GALNT10: variants seen among roughly 807,000 people sequenced by gnomAD.
The protein encoded by GALNT10 is GalNAc transferase 10.
GALNT10 carries 41 observed loss-of-function variants against 75.0 expected under a neutral mutation model. The observed-to-expected ratio is 0.55, with a 90% confidence interval of 0.43 to 0.71. GALNT10 has a LOEUF of 0.71. Ranked by LOEUF, GALNT10 falls within the 30% of genes least tolerant of loss-of-function variation. The pLI, the probability that GALNT10 is intolerant of heterozygous loss-of-function variation, is 0.00. For missense variants in GALNT10, 727 were observed against 818.5 expected (o/e 0.89, Z 1.36); for synonymous variants, 302 against 313.0 (o/e 0.96, Z 0.37).
Position 154,380,536 on chromosome 5 carries a change from G to C in GALNT10, c.843G>C (p.Gly281=). 6.2e-7 allele frequency: 1 copy of C among 1,613,872 alleles called. No homozygotes were observed. The highest frequency in any genetic ancestry group is 8.5e-7 in the Non-Finnish European group (1 of 1,179,756). The change falls in exon 6 of 12, where the codon GGG becomes GGC. Residue 281 remains glycine, a synonymous_variant. Transcript: ENST00000297107. ...HDDFRYETQA[G]DAMRGAFDWE... The stretch of plus-strand genomic sequence containing the variant: ...ACTTTCGGTACGAGACACAGGCAGG[G>C]GATGCCATGCGGGGAGCCTTTGACT...
intron 1 of GALNT10, among the ~76,000 whole-genome samples, chr5:154,195,427 C>T (rs1334732230): frequency 6.6e-6 from 1 of 152,238 alleles, no homozygotes; most frequent in South Asian, 2.1e-4. Flanking sequence ...AGCGCATATA[C>T]ACCTGAATTC....
rs964305372 is a variant in GALNT10, at chr5:154,402,797, G to A, written c.1057-1307G>A. 6.6e-6 allele frequency: 1 copy of A among 152,268 alleles called. No individual in the cohort carries two copies. The highest frequency in any genetic ancestry group is 2.4e-5 in the African/African-American group (1 of 41,472). The allele number at this position is 152,268 out of a possible 1,614,324, so 9.4% of individuals were successfully genotyped here. Reference sequence around the variant, plus strand: ...CATGGACCTCTCCACAGCATGGCTGGGGTGTCCTCAAACATGGCAGCTGGC... The same window carrying A: ...CATGGACCTCTCCACAGCATGGCTGAGGTGTCCTCAAACATGGCAGCTGGC... On this transcript the variant is annotated intron_variant, in intron 7 of 11. Transcript: ENST00000297107. The surrounding 1 kb of genome is among the most constrained non-coding windows in gnomAD (Gnocchi z 4.2).
chr5:154,217,878 T>G (rs1040716578), intron 1 of GALNT10: 16 of 351,320 alleles, frequency 4.6e-5, no homozygotes, highest in Admixed American at 3.9e-4. Context: ...AAATAGCTAT[T>G]AATTTTTTGG....
chr5:154,262,676 G>A (rs1197196953), intron 1 of GALNT10, among the ~76,000 whole-genome samples: 1 of 152,154 alleles, frequency 6.6e-6, no homozygotes, highest in East Asian at 1.9e-4. Flanking sequence ...AGAGCCACTA[G>A]GTCATTGTGC....
chr5:154,244,782 A>G (rs1400130338), intron 1 of GALNT10, among the ~76,000 whole-genome samples: 2 of 152,240 alleles, frequency 1.3e-5, no homozygotes, highest in African/African-American at 4.8e-5. Context: ...TCAAGGAGGT[A>G]TCACTGCTGG....
chr5:154,310,715 G>A lies in GALNT10; in HGVS notation c.401+12636G>A, dbSNP rs559446566. On this transcript the variant is annotated intron_variant, in intron 3 of 11. Transcript: ENST00000297107. Reference sequence around the variant, plus strand: ...TGGAACTCCTGACCTCAGGTAATCCGCCCACCTCAGCCTCCCAAAGTGCTG... The same window carrying A: ...TGGAACTCCTGACCTCAGGTAATCCACCCACCTCAGCCTCCCAAAGTGCTG... Among the ~76,000 whole-genome samples the A allele has an allele frequency of 3.9e-5, 6 of 152,028 alleles. 1 individual carries two copies. Among genetic ancestry groups the A allele is most frequent in the African/African-American group, 9.6e-5 (4 of 41,480 alleles).
At chr5:154,288,240 G>A (rs1210800190) in intron 1 of GALNT10, among the ~76,000 whole-genome samples, 2 of 152,168 alleles carry the variant, frequency 1.3e-5, no homozygotes. Flanking sequence ...AGCCAGCTCA[G>A]CCAGAGATGC....
chr5:154,273,903 C>T (rs890664428), intron 1 of GALNT10, among the ~76,000 whole-genome samples: 2 of 152,212 alleles, frequency 1.3e-5, no homozygotes, highest in Admixed American at 1.3e-4. Context: ...ATTGGGGCCC[C>T]TCTTGCCGGG....
chr5:154,359,166 T>C (rs1203574395), intron 4 of GALNT10, among the ~76,000 whole-genome samples: 3 of 152,168 alleles, frequency 2.0e-5, no homozygotes, highest in African/African-American at 7.2e-5. Flanking sequence ...TCCTCCTTCA[T>C]GTACCATTAA....
chr5:154,235,417 T>G (rs1428606751), intron 1 of GALNT10, among the ~76,000 whole-genome samples: 1 of 152,088 alleles, frequency 6.6e-6, no homozygotes, highest in Non-Finnish European at 1.5e-5. Flanking sequence ...CTTTGCAGAG[T>G]CTTTCCTTAC....
At chr5:154,236,718 G>A (rs960142832) in intron 1 of GALNT10, among the ~76,000 whole-genome samples, 11 of 152,164 alleles carry the variant, frequency 7.2e-5, no homozygotes, top group Non-Finnish European at 8.8e-5. Context: ...ATGATCTTGC[G>A]GTTGGAGCAC....
intron 1 of GALNT10, among the ~76,000 whole-genome samples, chr5:154,194,582 T>G (rs1187237515): frequency 6.6e-6 from 1 of 152,238 alleles, no homozygotes; most frequent in Non-Finnish European, 1.5e-5. Flanking sequence ...AACAGAGACC[T>G]GGCTTTTAGT....
chr5:154,221,096 A>T lies in GALNT10; in HGVS notation c.159+30071A>T, dbSNP rs544543476. Among the ~76,000 whole-genome samples the T allele has an allele frequency of 2.0e-5, 3 of 152,310 alleles. 1 individual carries two copies. The South Asian group carries it at 6.2e-4, about 32-fold the overall frequency. On this transcript the variant is annotated intron_variant, in intron 1 of 11. Coordinates refer to ENST00000297107, the MANE Select transcript of GALNT10 (RefSeq NM_198321.4). ...CCTTCACAAGTAAGATAAATGAAAT[A>T]GGTAGGGATTTTCCTCCTATTCAAC...
rs372786015 is a variant in GALNT10, at chr5:154,329,530, G to A, written c.402-42G>A. On this transcript the variant is annotated intron_variant, in intron 3 of 11. Coordinates refer to ENST00000297107, the MANE Select transcript of GALNT10 (RefSeq NM_198321.4). ...TGCCTGAGTTCTCTTGGCAGGAGGA[G>A]AGCTGACCCTGTCCTCTGCCTCCCC... The A allele has an allele frequency of 7.4e-4, 1,139 of 1,548,284 alleles. 2 individuals carry two copies. The highest frequency in any genetic ancestry group is 2.5e-3 in the Middle Eastern group (15 of 5,964).
intron 3 of GALNT10, among the ~76,000 whole-genome samples, chr5:154,317,843 C>T (rs1233560859): frequency 1.3e-5 from 2 of 152,212 alleles, no homozygotes; most frequent in African/African-American, 2.4e-5. Context: ...TCCGGGTCCC[C>T]GACTGATGCC....
chr5:154,391,770 G>T (rs371480646), intron 7 of GALNT10, among the ~76,000 whole-genome samples: 1 of 152,184 alleles, frequency 6.6e-6, no homozygotes, highest in Non-Finnish European at 1.5e-5. Flanking sequence ...CATCTCACTC[G>T]GGCTAGGTCT....
intron 4 of GALNT10, chr5:154,338,246 G>A (rs1476873423): frequency 2.8e-6 from 2 of 724,310 alleles, no homozygotes; most frequent in African/African-American, 1.7e-5. Flanking sequence ...GGTGGCATAG[G>A]TGGCAAACCC....
intron 5 of GALNT10, among the ~76,000 whole-genome samples, chr5:154,377,513 A>G (rs1755671370): frequency 6.6e-6 from 1 of 152,270 alleles, no homozygotes; most frequent in African/African-American, 2.4e-5. Flanking sequence ...TTTCTGATCC[A>G]GGAGGCCCGG....
At position 154,316,926 on chromosome 5, in the gene GALNT10, G is replaced by C. The variant is rs1007122239; in HGVS notation, c.402-12646G>C. Among the ~76,000 whole-genome samples the C allele has an allele frequency of 1.1e-4, 16 of 152,182 alleles. 1 individual carries two copies. The highest frequency in any genetic ancestry group is 8.5e-4 in the Admixed American group (13 of 15,280). On this transcript the variant is annotated intron_variant, in intron 3 of 11. Coordinates refer to ENST00000297107, the MANE Select transcript of GALNT10 (RefSeq NM_198321.4). ...TCTGAGAGAACTGAAATCAGGAGCT[G>C]TGAAATCTTTGCTGTGAGTTGTCCT...
Sources: allele counts gnomAD v4.1 joint callset (sites outside exome capture counted in the v4.1 genomes callset), GRCh38; gene constraint gnomAD v4.1.1; non-coding constraint Gnocchi (gnomAD v3.1); transcripts MANE v1.5; gene names NCBI Gene and HGNC (gene_info 2026-07-23, HGNC 2026-07-21).